Variants in KATNIP observed in about 807,000 individuals in gnomAD.
KATNIP encodes the protein katanin-interacting protein.
KATNIP carries 126 observed loss-of-function variants against 174.0 expected under a neutral mutation model. The ratio of observed to expected loss-of-function variants is 0.72; its 90% CI spans 0.63 to 0.84. The LOEUF (loss-of-function observed/expected upper bound fraction) is 0.84. Among genes scored for constraint, KATNIP ranks in the 40% least tolerant of loss-of-function variants. The pLI is 0.00. For synonymous variants in KATNIP, 810 were observed against 835.7 expected, an observed-to-expected ratio of 0.97 and a Z score of 0.53; for missense variants, 1,958 against 2,109.7, an observed-to-expected ratio of 0.93 and a Z score of 1.41.
intron 1 of KATNIP, among the ~76,000 whole-genome samples, chr16:27,561,730 G>A (rs1317752078): frequency 6.6e-6 from 1 of 152,154 alleles, no homozygotes; most frequent in South Asian, 2.1e-4. Context: ...TCCCTGTAAC[G>A]AGTCCCAAAC....
At chr16:27,552,422 T>TGGA (rs1432155045) in intron 1 of KATNIP, among the ~76,000 whole-genome samples, 2 of 151,466 alleles carry the variant, frequency 1.3e-5, no homozygotes, top group Non-Finnish European at 2.9e-5. Context: ...TCGCCCAGGC[T>TGGA]GGAGTGCAGT....
chr16:27,592,190 T>A (rs1447963749), intron 2 of KATNIP, among the ~76,000 whole-genome samples: 1 of 151,722 alleles, frequency 6.6e-6, no homozygotes, highest in African/African-American at 2.4e-5. Flanking sequence ...TCTTTGTGGC[T>A]TGATTATAAT....
chr16:27,608,357 A>G lies in KATNIP; in HGVS notation c.64-10068A>G, dbSNP rs545073820. On this transcript the variant is annotated intron_variant, in intron 2 of 27. Transcript: ENST00000261588. Reference sequence around the variant, plus strand: ...GCCATCCTCCCACCTCAGCCTCCCAAGTAGCTGGGACTACGGGTGCACGCC... The same window carrying G: ...GCCATCCTCCCACCTCAGCCTCCCAGGTAGCTGGGACTACGGGTGCACGCC... Among the ~76,000 whole-genome samples the G allele has an allele frequency of 2.0e-5, 3 of 147,676 alleles. No individual in the cohort carries two copies. In the South Asian group the frequency reaches 6.5e-4, roughly 32 times the overall value.
At chr16:27,762,356 AATGCCAGGCACTGGGCT>A (rs747546608) in intron 19 of KATNIP, among the ~76,000 whole-genome samples, 22 of 152,326 alleles carry the variant, frequency 1.4e-4, no homozygotes, top group Non-Finnish European at 2.8e-4. Context: ...GCACTTATTA[AATGCCAGGCACTGGGCT>A]ATGCGAAGCA....
chr16:27,741,042 T>A, intron 15 of KATNIP, 122 bp downstream of exon 15: 1 of 1,034,296 alleles, frequency 9.7e-7, no homozygotes, highest in Non-Finnish European at 1.4e-6. Context: ...TGTTCTCAAC[T>A]AAGGGTCACA....
chr16:27,747,130 T>C (rs2081322442), intron 15 of KATNIP, among the ~76,000 whole-genome samples: 1 of 152,096 alleles, frequency 6.6e-6, no homozygotes, highest in Non-Finnish European at 1.5e-5. Context: ...GCCTGGGCCT[T>C]GGGACACCCC....
chr16:27,751,471 T>A (rs906231185), intron 16 of KATNIP, among the ~76,000 whole-genome samples: 6 of 152,130 alleles, frequency 3.9e-5, no homozygotes, highest in Non-Finnish European at 7.4e-5. Context: ...CCCAAAGAAA[T>A]GTCACTTGCC....
chr16:27,712,291 G>T (rs1480909283), intron 13 of KATNIP, among the ~76,000 whole-genome samples: 1 of 152,144 alleles, frequency 6.6e-6, no homozygotes, highest in African/African-American at 2.4e-5. Context: ...CTTCCCTGAC[G>T]TGGGGCTTCC....
chr16:27,771,657 C>G lies in KATNIP; in HGVS notation c.4198+5C>G. ...CACCGCTGATGCCCTGTGGCTGTAT[C>G]CTTCTCCTCCCGCCCCACCAGCACA... On this transcript the variant is annotated splice_donor_5th_base_variant and intron_variant, in intron 22 of 27. Coordinates refer to ENST00000261588, the MANE Select transcript of KATNIP (RefSeq NM_015202.5). 1 of 1,612,934 alleles carries G rather than the reference C, an allele frequency of 6.2e-7. No homozygotes were observed. Among genetic ancestry groups the G allele is most frequent in the South Asian group, 1.1e-5 (1 of 90,846 alleles).
intron 8 of KATNIP, among the ~76,000 whole-genome samples, chr16:27,695,604 T>C (rs193223198): frequency 1.3e-4 from 20 of 152,306 alleles, no homozygotes; most frequent in African/African-American, 4.3e-4. Flanking sequence ...TTCTCCAGCT[T>C]ATGGTCTCTC....
chr16:27,603,561 G>A (rs1334274238), intron 2 of KATNIP, among the ~76,000 whole-genome samples: 1 of 151,732 alleles, frequency 6.6e-6, no homozygotes, highest in East Asian at 1.9e-4. Context: ...CTGCAGTGAA[G>A]GGAAGAGGGA....
At chr16:27,679,749 C>CAA (rs60190438) in intron 7 of KATNIP, among the ~76,000 whole-genome samples, 12 of 55,622 alleles carry the variant, frequency 2.2e-4, no homozygotes, top group Middle Eastern at 0.013. Context: ...GAGACCCTCT[C>CAA]AAAAAAAAAA....
In KATNIP at chr16:27,674,185, AAG is replaced by A. The variant is rs767815137; in HGVS notation, c.541-3543_541-3542del. Among the ~76,000 whole-genome samples, 4 of 152,314 alleles carry A rather than the reference AAG, an allele frequency of 2.6e-5. No homozygotes were observed. The East Asian group carries it at 7.7e-4, about 29-fold the overall frequency. On this transcript the variant is annotated intron_variant, in intron 6 of 27. Transcript: ENST00000261588. ...ACCAATACTTGGTATCAAGGGATGAAAGGGGGAGAACTCTAAAAAGAGACAGC... is the reference window on the plus strand; with the variant it reads ...ACCAATACTTGGTATCAAGGGATGAAGGGGAGAACTCTAAAAAGAGACAGC...
chr16:27,723,773 AGTCCCAGAGAGG>A (rs1171349401), intron 14 of KATNIP, among the ~76,000 whole-genome samples: 1 of 152,116 alleles, frequency 6.6e-6, no homozygotes, highest in African/African-American at 2.4e-5. Flanking sequence ...CGGGGAACCT[AGTCCCAGAGAGG>A]CAGTCCTCCC....
chr16:27,661,999 T>TATATATATATATATACACATAC lies in KATNIP; in HGVS notation c.540+13279_540+13280insCACATACATATATATATATATA, dbSNP rs2077519091. ...ATATATATATATACACATACATATA[T>TATATATATATATATACACATAC]ATATATATATATATATACACATACA... On this transcript the variant is annotated intron_variant, in intron 6 of 27. Transcript: ENST00000261588. 4.1e-5 allele frequency among the ~76,000 whole-genome samples: 3 copies of TATATATATATATATACACATAC among 73,778 alleles called. 1 individual carries two copies. Among genetic ancestry groups the TATATATATATATATACACATAC allele is most frequent in the African/African-American group, 1.6e-4 (2 of 12,400 alleles). 48.4% of individuals were successfully genotyped at this position (73,778 alleles called of 152,430 possible). A position where few individuals can be genotyped will look rare whatever the true frequency, so the allele number is the denominator to read the frequency against.
At chr16:27,681,209 G>C (rs1043436861) in intron 7 of KATNIP, 190 bp from the exon 8 acceptor site, 11 of 667,916 alleles carry the variant, frequency 1.6e-5, no homozygotes, top group Non-Finnish European at 2.7e-5. Context: ...TGTGGTGCTG[G>C]GCACACCATG....
chr16:27,584,504 A>T (rs2090815629), intron 2 of KATNIP, among the ~76,000 whole-genome samples: 2 of 152,164 alleles, frequency 1.3e-5, no homozygotes, highest in Non-Finnish European at 1.5e-5. Flanking sequence ...GTTAAAAATT[A>T]TATTCAAAGC....
chr16:27,724,104 A>G (rs531430803), intron 14 of KATNIP, among the ~76,000 whole-genome samples: 17 of 152,336 alleles, frequency 1.1e-4, no homozygotes, highest in Non-Finnish European at 2.4e-4. Context: ...GAACTTGCGG[A>G]AATTTCTCTG....
intron 2 of KATNIP, among the ~76,000 whole-genome samples, chr16:27,614,959 G>A (rs1406533972): frequency 2.0e-5 from 3 of 152,156 alleles, no homozygotes; most frequent in African/African-American, 7.2e-5. Flanking sequence ...AGGGAGAAGT[G>A]AAGATGGGAG....
Sources: gnomAD v4.1 joint callset for allele counts (sites outside exome capture counted in the v4.1 genomes callset) on GRCh38, gnomAD v4.1.1 for gene constraint, MANE v1.5 for transcripts, NCBI Gene and HGNC (gene_info 2026-07-23, HGNC 2026-07-21) for gene names.